The following SGK3 variants were observed in gnomAD, a reference collection of about 807,000 sequenced individuals.
SGK3 encodes serum/glucocorticoid regulated kinase family member 3, also known as serine/threonine-protein kinase Sgk3.
A neutral mutation model predicts 68.5 loss-of-function variants in SGK3; 47 were observed. The ratio of observed to expected loss-of-function variants is 0.69; its 90% CI spans 0.54 to 0.87. The LOEUF (loss-of-function observed/expected upper bound fraction) is 0.87, where lower values mean the gene tolerates loss of function less well. SGK3 is among the 40% of genes least tolerant of loss of function. SGK3 has a pLI of 0.00. For synonymous variants in SGK3, 181 were observed against 189.1 expected (o/e 0.96, Z 0.35); for missense variants, 479 against 575.5 (o/e 0.83, Z 1.72).
At chr8:66,843,322 C>T in intron 13 of SGK3, 130 bp from the exon 14 acceptor site, 1 of 762,700 alleles carries the variant, frequency 1.3e-6, no homozygotes, top group East Asian at 2.7e-5. Flanking sequence ...ATATCCAACC[C>T]ACTGGAAATC....
chr8:66,796,108 G>T (rs949392444), intron 2 of SGK3, among the ~76,000 whole-genome samples: 1 of 151,600 alleles, frequency 6.6e-6, no homozygotes, highest in African/African-American at 2.4e-5. Context: ...GTTCAGCCTG[G>T]GTACTCATGT....
chr8:66,768,087 A>G (rs1806382234), intron 1 of SGK3: 2 of 495,650 alleles, frequency 4.0e-6, no homozygotes, highest in Non-Finnish European at 7.4e-6. Flanking sequence ...ATTATACCAC[A>G]TCACTTATAG....
chr8:66,724,865 G>A (rs1403620260), intron 1 of SGK3, among the ~76,000 whole-genome samples: 4 of 152,128 alleles, frequency 2.6e-5, no homozygotes, highest in Non-Finnish European at 5.9e-5. Flanking sequence ...GCCAAGGCAG[G>A]TGGATCACCT....
intron 1 of SGK3, among the ~76,000 whole-genome samples, chr8:66,756,698 G>GC (rs1440706912): frequency 6.9e-6 from 1 of 145,806 alleles, no homozygotes; most frequent in Non-Finnish European, 1.5e-5. Flanking sequence ...TCCTGTCTCA[G>GC]CCCCCCAAGT....
intron 1 of SGK3, among the ~76,000 whole-genome samples, chr8:66,748,732 A>G (rs1040997429): frequency 1.3e-5 from 2 of 152,090 alleles, no homozygotes; most frequent in Admixed American, 6.6e-5. Context: ...CATCAATTTT[A>G]ATTTTGAAAA....
intron 1 of SGK3, among the ~76,000 whole-genome samples, chr8:66,754,850 ATTAACAC>A (rs1334829860): frequency 2.0e-5 from 3 of 152,264 alleles, no homozygotes; most frequent in Non-Finnish European, 2.9e-5. Context: ...TTATACACAC[ATTAACAC>A]TTAACAGTTA....
chr8:66,728,757 CAATA>C (rs1166538024), intron 1 of SGK3, among the ~76,000 whole-genome samples: 3 of 152,016 alleles, frequency 2.0e-5, no homozygotes, highest in Non-Finnish European at 4.4e-5. Context: ...AGAACAGCAA[CAATA>C]AATAAATAAA....
Position 66,859,828 on chromosome 8 carries a change from T to C in SGK3, c.*247T>C, listed in dbSNP as rs1810686165. ...TTAAACAATTTAAAAGCTATTATTC[T>C]TAGCATTAACCTATTTTTAAAGAAA... On this transcript the variant is annotated 3_prime_UTR_variant, in exon 17 of 17. Transcript: ENST00000521198. The C allele has an allele frequency of 2.7e-6, 1 of 372,750 alleles. No individual in the cohort carries two copies. The highest frequency in any genetic ancestry group is 5.1e-5 in the East Asian group (1 of 19,544). The allele number at this position is 372,750 out of a possible 1,614,324, so 23.1% of individuals were successfully genotyped here.
rs1393904814 is a variant in SGK3 at position 66,861,458 on chromosome 8, A to G, written c.*1877A>G. On this transcript the variant is annotated 3_prime_UTR_variant, in exon 17 of 17. Transcript: ENST00000521198. ...CCTCATTTCTATTTATTTTAAAAAA[A>G]AGAGAGAGTAACTACAGAAGAACTT... 1 of 152,204 alleles carries G rather than the reference A, an allele frequency of 6.6e-6. No homozygotes were observed. The highest frequency in any genetic ancestry group is 2.4e-5 in the African/African-American group (1 of 41,454). The allele number at this position is 152,204 out of a possible 1,614,324, so 9.4% of individuals were successfully genotyped here. A position where few individuals can be genotyped will look rare whatever the true frequency, so the allele number is the denominator to read the frequency against.
chr8:66,735,297 G>A (rs1805287047), intron 1 of SGK3, among the ~76,000 whole-genome samples: 1 of 152,200 alleles, frequency 6.6e-6, no homozygotes, highest in South Asian at 2.1e-4. Context: ...AAATTAGGTA[G>A]TGAATTGTGG....
chr8:66,770,950 C>T (rs538044330), intron 1 of SGK3, among the ~76,000 whole-genome samples: 64 of 152,244 alleles, frequency 4.2e-4, no homozygotes, highest in African/African-American at 1.4e-3. Context: ...TAGTAAGCTG[C>T]GGGTAAATTT....
chr8:66,747,415 TC>T (rs1805685085), intron 1 of SGK3, among the ~76,000 whole-genome samples: 1 of 152,188 alleles, frequency 6.6e-6, no homozygotes, highest in Admixed American at 6.5e-5. Context: ...CACACAGTTT[TC>T]TGAATATATG....
At chr8:66,816,226 T>A (rs1408996144) in intron 5 of SGK3, among the ~76,000 whole-genome samples, 1 of 151,946 alleles carries the variant, frequency 6.6e-6, no homozygotes, top group Non-Finnish European at 1.5e-5. Flanking sequence ...ATGGTCTTCA[T>A]CTACTGACCT....
At chr8:66,843,637 T>G (rs1364678370) in intron 14 of SGK3, 90 bp downstream of exon 14, 2 of 1,295,650 alleles carry the variant, frequency 1.5e-6, no homozygotes, top group Non-Finnish European at 2.2e-6. Context: ...TCATGGACAC[T>G]TAGATAACAC....
At chr8:66,719,270 T>G (rs192800523) in intron 1 of SGK3, among the ~76,000 whole-genome samples, 8 of 152,142 alleles carry the variant, frequency 5.3e-5, no homozygotes, top group Admixed American at 4.6e-4. Flanking sequence ...TTTTTTTTTT[T>G]AAATGGGGAT....
At chr8:66,822,600 A>G (rs1004095281) in intron 6 of SGK3, 141 bp downstream of exon 6, 10 of 639,120 alleles carry the variant, frequency 1.6e-5, no homozygotes, top group African/African-American at 1.3e-4. Context: ...AAACAAATGC[A>G]TATACCTCTT....
At chr8:66,749,057 C>T (rs77491870) in intron 1 of SGK3, among the ~76,000 whole-genome samples, 2,340 of 151,968 alleles carry the variant, frequency 0.015, 34 homozygotes, top group Non-Finnish European at 0.024. Flanking sequence ...TCACCACGCC[C>T]GGCTAAATCT....
At chr8:66,788,443 C>A (rs1256100438) in intron 1 of SGK3, among the ~76,000 whole-genome samples, 1 of 152,172 alleles carries the variant, frequency 6.6e-6, no homozygotes, top group Non-Finnish European at 1.5e-5. Flanking sequence ...AAACTCTTAC[C>A]CTTTTCTTGG....
At chr8:66,820,915 A>T (rs1194317335) in intron 5 of SGK3, among the ~76,000 whole-genome samples, 3 of 152,098 alleles carry the variant, frequency 2.0e-5, no homozygotes. Flanking sequence ...TATGTTGCCC[A>T]GGCTGGTATC....
Sources: gnomAD v4.1 joint callset for allele counts (sites outside exome capture counted in the v4.1 genomes callset) on GRCh38, gnomAD v4.1.1 for gene constraint, MANE v1.5 for transcripts, NCBI Gene and HGNC (gene_info 2026-07-23, HGNC 2026-07-21) for gene names.